Variants in ABLIM1 observed in about 807,000 individuals in gnomAD.
The protein encoded by ABLIM1 is actin-binding LIM protein 1.
A neutral mutation model predicts 107.0 loss-of-function variants in ABLIM1; 40 were observed. The observed-to-expected ratio is 0.37, with a 90% confidence interval of 0.29 to 0.49. The LOEUF is 0.49. ABLIM1 is among the 20% of genes least tolerant of loss of function. ABLIM1 has a pLI of 0.97. For synonymous variants in ABLIM1, 357 were observed against 357.3 expected (o/e 1.00, Z 0.01); for missense variants, 857 against 1,008.5 (o/e 0.85, Z 2.04).
At chr10:114,661,880 T>G (rs1414395086), upstream of ABLIM1, among the ~76,000 whole-genome samples, 1 of 152,120 alleles carries the variant, frequency 6.6e-6, no homozygotes, top group African/African-American at 2.4e-5. Flanking sequence ...CTGTAGGAGC[T>G]CAATAAACAC....
At chr10:114,479,452 G>A (rs1237060130) in intron 8 of ABLIM1, among the ~76,000 whole-genome samples, 1 of 152,244 alleles carries the variant, frequency 6.6e-6, no homozygotes, top group Non-Finnish European at 1.5e-5. Flanking sequence ...CCCGCCAGGA[G>A]CTGACAGATA....
chr10:114,588,892 T>G (rs1176986880), intron 2 of ABLIM1, among the ~76,000 whole-genome samples: 4 of 152,152 alleles, frequency 2.6e-5, no homozygotes. Context: ...AGAAACTTCC[T>G]GCCCTATGTC....
chr10:114,766,786 G>T (rs1484129050), intron 1 of ABLIM1, among the ~76,000 whole-genome samples: 1 of 152,210 alleles, frequency 6.6e-6, no homozygotes, highest in Non-Finnish European at 1.5e-5. Context: ...ATAGTTCAGA[G>T]ATTGTTATGA....
At chr10:114,457,701 C>T (rs1479469830) in intron 12 of ABLIM1, among the ~76,000 whole-genome samples, 1 of 152,214 alleles carries the variant, frequency 6.6e-6, no homozygotes, top group Non-Finnish European at 1.5e-5. Flanking sequence ...GATGAAATAT[C>T]ATATTTGGAA....
chr10:114,562,870 CA>C lies in ABLIM1; in HGVS notation c.673+8426del, dbSNP rs1445541790. Among the ~76,000 whole-genome samples the C allele has an allele frequency of 5.3e-5, 8 of 152,116 alleles. No individual in the cohort carries two copies. The East Asian group carries it at 5.8e-4, about 11-fold the overall frequency. ...CAAAAAGAAAAAAACCCCAAACAAA[CA>C]AAAAAACCAGTCCTTGCCGTTCAGT... is the stretch of plus-strand genomic sequence containing the variant. On this transcript the variant is annotated intron_variant, in intron 4 of 22. Coordinates refer to ENST00000533213, the MANE Select transcript of ABLIM1 (RefSeq NM_002313.7).
intron 1 of ABLIM1, among the ~76,000 whole-genome samples, chr10:114,761,551 T>G (rs2082746911): frequency 6.6e-6 from 1 of 152,056 alleles, no homozygotes; most frequent in Non-Finnish European, 1.5e-5. Flanking sequence ...AGAGCCCTCC[T>G]CTCCCTTCTC....
chr10:114,531,983 T>A (rs1366087358), intron 6 of ABLIM1, among the ~76,000 whole-genome samples: 2 of 152,076 alleles, frequency 1.3e-5, no homozygotes, highest in African/African-American at 2.4e-5. Context: ...CCCAGCTAAT[T>A]TTTGTATTTT....
At chr10:114,718,116 A>G (rs2081743369) in intron 1 of ABLIM1, among the ~76,000 whole-genome samples, 1 of 126,456 alleles carries the variant, frequency 7.9e-6, no homozygotes, top group African/African-American at 2.6e-5. Context: ...AAAAAGAAAG[A>G]AAGAAAAAGA....
intron 6 of ABLIM1, among the ~76,000 whole-genome samples, chr10:114,501,408 A>G (rs1189027516): frequency 1.3e-5 from 2 of 152,376 alleles, no homozygotes; most frequent in East Asian, 3.9e-4. Context: ...CTGGCAAAGC[A>G]GATCTCCCAT....
chr10:114,467,381 T>C (rs1180693936), intron 11 of ABLIM1, among the ~76,000 whole-genome samples: 1 of 152,104 alleles, frequency 6.6e-6, no homozygotes, highest in Non-Finnish European at 1.5e-5. Context: ...ACAATAAAAG[T>C]AAAAAGTTTG....
intron 1 of ABLIM1, among the ~76,000 whole-genome samples, chr10:114,623,496 T>A (rs186437215): frequency 2.1e-4 from 32 of 152,198 alleles, no homozygotes; most frequent in Non-Finnish European, 2.8e-4. Context: ...GTGAGCCAGA[T>A]GATATTTGCA....
chr10:114,492,413 G>A (rs925766616), intron 6 of ABLIM1, among the ~76,000 whole-genome samples: 1 of 152,160 alleles, frequency 6.6e-6, no homozygotes, highest in Non-Finnish European at 1.5e-5. Flanking sequence ...TATGCAGCTT[G>A]CAACAATCTT....
At chr10:114,698,576 T>C (rs2081243375) in intron 1 of ABLIM1, among the ~76,000 whole-genome samples, 1 of 152,056 alleles carries the variant, frequency 6.6e-6, no homozygotes, top group Non-Finnish European at 1.5e-5. Context: ...AACTAAGTGC[T>C]GGACAGGATG....
chr10:114,795,542 A>G, the ABLIM1 span, among the ~76,000 whole-genome samples: 1 of 152,110 alleles, frequency 6.6e-6, no homozygotes, highest in Non-Finnish European at 1.5e-5. Context: ...CCCTGTCTCT[A>G]CTAAAAATAT....
At position 114,451,640 on chromosome 10, in the gene ABLIM1, G is replaced by A. The variant is rs780835675; in HGVS notation, c.1578C>T (p.Pro526=). ...DQGINIYRKP[P]IYKQHAALAA... ...GGGTTTTACCATGCTGTTTGTAGAT[G>A]GGTGGCTTTCGGTAAATGTTGATTC... Residue 526 remains proline (P), a synonymous_variant, in exon 14 of 23, where the codon CCC becomes CCT. Coordinates refer to ENST00000533213, the MANE Select transcript of ABLIM1 (RefSeq NM_002313.7). 2 of 1,613,436 alleles carry A rather than the reference G, an allele frequency of 1.2e-6. No homozygotes were observed. Among genetic ancestry groups the A allele is most frequent in the Admixed American group, 1.7e-5 (1 of 59,940 alleles).
At chr10:114,592,682 G>A (rs1025597831) in intron 2 of ABLIM1, among the ~76,000 whole-genome samples, 2 of 152,094 alleles carry the variant, frequency 1.3e-5, no homozygotes, top group Non-Finnish European at 2.9e-5. Context: ...CTTATCTTTG[G>A]GATAATGATA....
chr10:114,593,181 C>T (rs1017609677), intron 2 of ABLIM1, among the ~76,000 whole-genome samples: 12 of 152,148 alleles, frequency 7.9e-5, no homozygotes, highest in African/African-American at 1.9e-4. Flanking sequence ...TTGTACTAAT[C>T]GTTTTCTTAG....
intron 11 of ABLIM1, among the ~76,000 whole-genome samples, chr10:114,467,263 C>CA (rs1176510113): frequency 6.6e-6 from 1 of 152,102 alleles, no homozygotes; most frequent in Non-Finnish European, 1.5e-5. Context: ...GTAATAAGTA[C>CA]AAAAAACCAC....
chr10:114,533,960 G>A (rs752535314), intron 6 of ABLIM1, among the ~76,000 whole-genome samples: 10 of 152,168 alleles, frequency 6.6e-5, no homozygotes, highest in Admixed American at 1.3e-4. Context: ...TTACAAGCAT[G>A]AGCTACCACA....
Sources: allele counts gnomAD v4.1 joint callset (sites outside exome capture counted in the v4.1 genomes callset), GRCh38; gene constraint gnomAD v4.1.1; transcripts MANE v1.5; gene names NCBI Gene and HGNC (gene_info 2026-07-23, HGNC 2026-07-21).